The following ARK2C variants were observed in gnomAD, a reference collection of about 807,000 sequenced individuals.
ARK2C encodes the protein arkadia (RNF111) C-terminal like ring finger ubiquitin ligase 2C.
chr18:46,435,268 T>C, the ARK2C span: 4 of 1,609,924 alleles, frequency 2.5e-6, no homozygotes, highest in Non-Finnish European at 3.4e-6. Flanking sequence ...ACACGAGGGC[T>C]CTCCATCCCT....
At chr18:46,404,403 G>A in the ARK2C span, among the ~76,000 whole-genome samples, 4 of 152,220 alleles carry the variant, frequency 2.6e-5, no homozygotes, top group Admixed American at 2.0e-4. Flanking sequence ...CACCTTTTTC[G>A]TGTGGGACAT....
the ARK2C span, among the ~76,000 whole-genome samples, chr18:46,408,090 T>A: frequency 6.6e-6 from 1 of 152,108 alleles, no homozygotes; most frequent in Non-Finnish European, 1.5e-5. Flanking sequence ...CTCCAGGATG[T>A]CTGGAGGCCT....
At chr18:46,433,194 C>T in the ARK2C span, 1 of 1,575,098 alleles carries the variant, frequency 6.3e-7, no homozygotes, top group Non-Finnish European at 8.6e-7. Flanking sequence ...TTCCAGGTGC[C>T]CCCTTTCAAA....
chr18:46,460,812 C>T, the ARK2C span: 8 of 152,690 alleles, frequency 5.2e-5, no homozygotes, highest in African/African-American at 1.7e-4. Context: ...TAGTGAAAAA[C>T]TCCAATATAG....
the ARK2C span, among the ~76,000 whole-genome samples, chr18:46,413,282 C>T: frequency 9.8e-3 from 1,494 of 152,188 alleles, 32 homozygotes; most frequent in African/African-American, 0.034. Context: ...CAGCCCTATC[C>T]AGAAGTGGAC....
the ARK2C span, among the ~76,000 whole-genome samples, chr18:46,348,902 G>C: frequency 3.7e-3 from 3 of 814 alleles, no homozygotes; most frequent in African/African-American, 4.9e-3. Flanking sequence ...CTCTCTTTCT[G>C]TGTGTGTGTG....
chr18:46,397,373 G>C, the ARK2C span, among the ~76,000 whole-genome samples: 2 of 151,086 alleles, frequency 1.3e-5, no homozygotes, highest in African/African-American at 4.9e-5. Context: ...AAGGGTGCCT[G>C]TGTGTGTGTG....
the ARK2C span, among the ~76,000 whole-genome samples, chr18:46,455,005 C>A: frequency 6.6e-6 from 1 of 152,164 alleles, no homozygotes; most frequent in Non-Finnish European, 1.5e-5. Context: ...CATAATGATT[C>A]TACATATGGC....
At chr18:46,383,992 T>A in the ARK2C span, among the ~76,000 whole-genome samples, 12 of 152,378 alleles carry the variant, frequency 7.9e-5, no homozygotes, top group African/African-American at 2.9e-4. Flanking sequence ...AACATGACTT[T>A]AAAAGGACAC....
At chr18:46,336,047 G>T in the ARK2C span, 12 of 985,276 alleles carry the variant, frequency 1.2e-5, no homozygotes, top group Non-Finnish European at 1.3e-5. Flanking sequence ...CTAGCCATGG[G>T]GGTGAGGGGG....
At chr18:46,403,387 C>G in the ARK2C span, among the ~76,000 whole-genome samples, 1 of 152,176 alleles carries the variant, frequency 6.6e-6, no homozygotes, top group Non-Finnish European at 1.5e-5. Context: ...AGAGCCCTCC[C>G]TGCCCCCCGT....
chr18:46,427,653 G>A, the ARK2C span, among the ~76,000 whole-genome samples: 5 of 152,200 alleles, frequency 3.3e-5, no homozygotes, highest in African/African-American at 9.6e-5. Flanking sequence ...CAGCCCCTTC[G>A]AGCCACGGAG....
chr18:46,435,621 C>T, the ARK2C span, among the ~76,000 whole-genome samples: 1 of 152,146 alleles, frequency 6.6e-6, no homozygotes, highest in African/African-American at 2.4e-5. Context: ...TATTATATGC[C>T]CATCGTAGGA....
the ARK2C span, among the ~76,000 whole-genome samples, chr18:46,428,807 C>A: frequency 3.9e-5 from 6 of 152,164 alleles, no homozygotes; most frequent in Admixed American, 1.3e-4. Flanking sequence ...TCAACTGTTT[C>A]TTTTTACTTT....
At chr18:46,411,118 C>G in the ARK2C span, among the ~76,000 whole-genome samples, 2 of 152,204 alleles carry the variant, frequency 1.3e-5, no homozygotes, top group African/African-American at 4.8e-5. Context: ...TGTTGGCATT[C>G]CCTTAGCACC....
the ARK2C span, among the ~76,000 whole-genome samples, chr18:46,422,245 G>T: frequency 4.6e-5 from 7 of 152,262 alleles, no homozygotes; most frequent in East Asian, 1.9e-4. Flanking sequence ...TGCCGTTCAA[G>T]GTTCCCCACA....
At chr18:46,387,337 C>G in the ARK2C span, among the ~76,000 whole-genome samples, 1 of 152,194 alleles carries the variant, frequency 6.6e-6, no homozygotes, top group East Asian at 1.9e-4. Context: ...CTCCATGATT[C>G]CAGTGCAGAG....
chr18:46,398,963 G>A, the ARK2C span, among the ~76,000 whole-genome samples: 3 of 152,152 alleles, frequency 2.0e-5, no homozygotes, highest in South Asian at 6.2e-4. Context: ...GGGAGCTCTT[G>A]TTAAAGGGCA....
At chr18:46,453,192 C>T in the ARK2C span, among the ~76,000 whole-genome samples, 3 of 152,148 alleles carry the variant, frequency 2.0e-5, no homozygotes, top group African/African-American at 7.2e-5. Flanking sequence ...TGTATCAAAC[C>T]TTGGCTAGTG....
Sources: gnomAD v4.1 joint callset for allele counts (sites outside exome capture counted in the v4.1 genomes callset) on GRCh38, gnomAD v4.1.1 for gene constraint, MANE v1.5 for transcripts, NCBI Gene and HGNC (gene_info 2026-07-23, HGNC 2026-07-21) for gene names.